Variants in FAM217B observed in about 807,000 individuals in gnomAD.
FAM217B encodes protein FAM217B.
For missense variants in FAM217B, 463 were observed against 456.9 expected, an observed-to-expected ratio of 1.01 and a Z score of -0.12; for synonymous variants, 163 against 173.0, an observed-to-expected ratio of 0.94 and a Z score of 0.45.
chr20:59,939,115 G>A (rs17854471), upstream of FAM217B: 8 of 1,603,846 alleles, frequency 5.0e-6, no homozygotes, highest in Admixed American at 1.7e-5. Flanking sequence ...CTGTAGTCTC[G>A]GTGGTCGTTG....
rs1435158845 is a variant in FAM217B at position 59,944,595 on chromosome 20, C to A, written c.652C>A (p.Leu218Met). The change falls in exon 4 of 4, where the codon CTG (leucine) becomes ATG (methionine). Residue 218 changes from leucine (L) to methionine (M), a missense_variant. Transcript: ENST00000360816. Reference protein sequence around the residue: ...PPTAPGTSGALKSPGRSKLIA... With the variant: ...PPTAPGTSGAMKSPGRSKLIA... The stretch of plus-strand genomic sequence containing the variant: ...CACTGCCCCTGGGACCTCAGGGGCA[C>A]TGAAAAGCCCTGGGAGAAGTAAGCT... The A allele has an allele frequency of 6.2e-7, 1 of 1,613,884 alleles. No homozygotes were observed. The highest frequency in any genetic ancestry group is 8.5e-7 in the Non-Finnish European group (1 of 1,180,010).
At chr20:59,934,438 T>C (rs1028641675) in intron 1 of FAM217B, among the ~76,000 whole-genome samples, 3 of 152,054 alleles carry the variant, frequency 2.0e-5, no homozygotes, top group African/African-American at 7.3e-5. Flanking sequence ...CGCTCAGTCT[T>C]CTGCGTGTTT....
chr20:59,940,769 G>A (rs1569006749), intron 1 of FAM217B, among the ~76,000 whole-genome samples: 3 of 152,176 alleles, frequency 2.0e-5, no homozygotes, highest in African/African-American at 7.2e-5. Context: ...TGGACCCTTG[G>A]TCAGACCGAG....
upstream of FAM217B, chr20:59,937,665 TG>T (rs2060870127): frequency 2.1e-5 from 3 of 146,024 alleles, no homozygotes; most frequent in African/African-American, 8.3e-5. Flanking sequence ...CCTTCCTGGC[TG>T]TTTTTTTTTT....
rs756567987 is a variant in FAM217B, at chr20:59,944,230, A to G, written c.287A>G (p.Asp96Gly). 6 of 1,614,064 alleles carry G rather than the reference A, an allele frequency of 3.7e-6. No homozygotes were observed. Among genetic ancestry groups the G allele is most frequent in the Non-Finnish European group, 4.2e-6 (5 of 1,180,052 alleles). The change falls in exon 4 of 4, where the codon GAT (aspartate) becomes GGT (glycine). Residue 96 changes from aspartate (D) to glycine (G), a missense_variant. By Grantham distance (94) the Asp-to-Gly change is moderately conservative (BLOSUM62 -1). Coordinates refer to ENST00000360816, the MANE Select transcript of FAM217B (RefSeq NM_022106.3). ...AATGCTGATGAGGACAGTGCAAGTG[A>G]TCTCTCTGATTCGGAAAGAATTCCC... ...KENADEDSASDLSDSERIPIP... is the reference protein window; with the variant it reads ...KENADEDSASGLSDSERIPIP...
chr20:59,946,349 G>A lies in FAM217B; in HGVS notation c.*1254G>A, dbSNP rs1183203412. On this transcript the variant is annotated 3_prime_UTR_variant, in exon 4 of 4. Coordinates refer to ENST00000360816, the MANE Select transcript of FAM217B (RefSeq NM_022106.3). ...GATTTTATCCCTTTAAACAATTACTGTATTTGTTTTTGACGTAGAGGTTTC... is the reference window on the plus strand; with the variant it reads ...GATTTTATCCCTTTAAACAATTACTATATTTGTTTTTGACGTAGAGGTTTC... The A allele has an allele frequency of 2.4e-5, 4 of 166,868 alleles. No homozygotes were observed. The highest frequency in any genetic ancestry group is 4.4e-5 in the Non-Finnish European group (3 of 68,090). The allele number at this position is 166,868 out of a possible 1,614,324, so 10.3% of individuals were successfully genotyped here. A position where few individuals can be genotyped will look rare whatever the true frequency, so the allele number is the denominator to read the frequency against.
rs2060947515 is a variant in FAM217B, at chr20:59,948,048, AGAAAAAG to A, written c.*2954_*2960del. On this transcript the variant is annotated 3_prime_UTR_variant, in exon 4 of 4. Transcript: ENST00000360816. ...AATCCAAGTTTCTTTAAAAAAAAAA[AGAAAAAG>A]AAAAAGAAAAAGAAAAATATTTTAG... 1 of 152,458 alleles carries A rather than the reference AGAAAAAG, an allele frequency of 6.6e-6. No individual in the cohort carries two copies. The highest frequency in any genetic ancestry group is 2.5e-5 in the African/African-American group (1 of 39,328). The allele number at this position is 152,458 out of a possible 1,614,324, so 9.4% of individuals were successfully genotyped here.
chr20:59,935,698 A>G (rs2060858708), upstream of FAM217B, among the ~76,000 whole-genome samples: 1 of 152,220 alleles, frequency 6.6e-6, no homozygotes, highest in South Asian at 2.1e-4. Flanking sequence ...GCTTGAGCCC[A>G]GGAGCTGGAG....
At position 59,945,035 on chromosome 20, in the gene FAM217B, A is replaced by C; in HGVS notation, c.1092A>C (p.Val364=). The C allele has an allele frequency of 1.9e-6, 3 of 1,606,820 alleles. No individual in the cohort carries two copies. The highest frequency in any genetic ancestry group is 2.5e-6 in the Non-Finnish European group (3 of 1,178,090). Residue 364 remains valine, a synonymous_variant, in exon 4 of 4, where the codon GTA becomes GTC. Transcript: ENST00000360816. The stretch of plus-strand genomic sequence containing the variant: ...CAGAGAGCTGTGGTCATGCCACTGT[A>C]TCGAGTGAGAAAAAACTGAAAACAA... The part of the protein sequence containing the change: ...GKAESCGHAT[V]SSEKKLKTNG...
At chr20:59,936,533 T>TAA (rs1231272613), upstream of FAM217B, 2 of 152,230 alleles carry the variant, frequency 1.3e-5, no homozygotes, top group Non-Finnish European at 2.9e-5. Context: ...TTAACTGTTG[T>TAA]AAGAGAAGTA....
Position 59,944,405 on chromosome 20 carries a change from C to T in FAM217B, c.462C>T (p.Asp154=). ...TTCCATCCCCTTTCAGCTCCTGGGA[C>T]CTACGAGATATGGCCCTGCTTCTGA... The part of the protein sequence containing the change: ...NFLPSPFSSW[D]LRDMALLLNA... Residue 154 remains aspartate, a synonymous_variant, in exon 4 of 4, where the codon GAC becomes GAT. Transcript: ENST00000360816. 1.2e-6 allele frequency: 2 copies of T among 1,614,102 alleles called. No homozygotes were observed. Among genetic ancestry groups the T allele is most frequent in the Non-Finnish European group, 1.7e-6 (2 of 1,180,022 alleles).
chr20:59,939,248 G>A (rs772347973), upstream of FAM217B: 5 of 1,611,602 alleles, frequency 3.1e-6, no homozygotes, highest in Non-Finnish European at 3.4e-6. Context: ...TGCCCTCGGG[G>A]CCTGCGGGCC....
chr20:59,936,091 C>T (rs991373786), upstream of FAM217B, among the ~76,000 whole-genome samples: 4 of 152,190 alleles, frequency 2.6e-5, no homozygotes, highest in African/African-American at 9.7e-5. Flanking sequence ...ATAGTACAGT[C>T]TATTGCTTCA....
Position 59,944,139 on chromosome 20 carries a change from A to T in FAM217B, c.196A>T (p.Arg66Trp). The stretch of plus-strand genomic sequence containing the variant: ...ACGCAAAAGGAATCCACTCGGTTCC[A>T]GGTGTCAGGGGGCCTCAGGGAATAA... Reference protein sequence around the residue: ...ARRKRNPLGSRCQGASGNKLF... With the variant: ...ARRKRNPLGSWCQGASGNKLF... The change falls in exon 4 of 4, where the codon AGG becomes TGG. Residue 66 changes from arginine (R) to tryptophan (W), a missense_variant. Coordinates refer to ENST00000360816, the MANE Select transcript of FAM217B (RefSeq NM_022106.3). 3.1e-6 allele frequency: 5 copies of T among 1,614,136 alleles called. No individual in the cohort carries two copies. The highest frequency in any genetic ancestry group is 2.5e-6 in the Non-Finnish European group (3 of 1,180,012).
At position 59,944,538 on chromosome 20, in the gene FAM217B, G is replaced by C. The variant is rs748168287; in HGVS notation, c.595G>C (p.Glu199Gln). ...GCTGCAAGTCCAGACTGTACAGTGT[G>C]AAAAAGCAAAGGGGGGCAAAGCAAG... ...EWLQVQTVQC[E>Q]KAKGGKARPP... The change falls in exon 4 of 4, where the codon GAA becomes CAA. Residue 199 changes from glutamate to glutamine, a missense_variant. Transcript: ENST00000360816. 1 of 1,614,012 alleles carries C rather than the reference G, an allele frequency of 6.2e-7. No homozygotes were observed. The highest frequency in any genetic ancestry group is 2.2e-5 in the East Asian group (1 of 44,858).
intron 1 of FAM217B, among the ~76,000 whole-genome samples, chr20:59,934,281 G>T (rs1223007612): frequency 6.6e-6 from 1 of 152,346 alleles, no homozygotes; most frequent in East Asian, 1.9e-4. Context: ...GTATTCCTAG[G>T]CTCTTTCAGA....
In FAM217B at chr20:59,944,767, G is replaced by T; in HGVS notation, c.824G>T (p.Gly275Val). 1.9e-6 allele frequency: 3 copies of T among 1,614,196 alleles called. No individual in the cohort carries two copies. The highest frequency in any genetic ancestry group is 4.5e-5 in the East Asian group (2 of 44,880). Reference sequence around the variant, plus strand: ...TCCCCTAGACCCATTGATGTGCTTGGTGGTACCAGGTTTTGTTCTCAGAGG... The same window carrying T: ...TCCCCTAGACCCATTGATGTGCTTGTTGGTACCAGGTTTTGTTCTCAGAGG... ...ETSPRPIDVL[G>V]GTRFCSQRQT... is the part of the protein sequence containing the mutation. Residue 275 changes from glycine to valine, a missense_variant, in exon 4 of 4, where the codon GGT (glycine) becomes GTT (valine). Transcript: ENST00000360816.
intron 1 of FAM217B, 88 bp from the exon 2 acceptor site, chr20:59,942,110 T>C (rs2060908862): frequency 6.6e-6 from 1 of 152,574 alleles, no homozygotes; most frequent in Non-Finnish European, 1.5e-5. Context: ...ATTATACAAG[T>C]ATTAAAAAAC....
Position 59,934,409 on chromosome 20 carries a change from A to G in FAM217B, c.-326+556A>G, listed in dbSNP as rs1222686444. ...AGGGTCTCCTTGCCCCTTGGCTCGC[A>G]GAGGGCGTCGGTGTTCGGCGCTCAG... On this transcript the variant is annotated intron_variant, in intron 1 of 4. Transcript: ENST00000358293. Among the ~76,000 whole-genome samples the G allele has an allele frequency of 2.0e-5, 3 of 152,358 alleles. No homozygotes were observed. The East Asian group carries it at 5.8e-4, about 29-fold the overall frequency.
Sources: gnomAD v4.1 joint callset for allele counts (sites outside exome capture counted in the v4.1 genomes callset) on GRCh38, gnomAD v4.1.1 for gene constraint, MANE v1.5 for transcripts, NCBI Gene and HGNC (gene_info 2026-07-23, HGNC 2026-07-21) for gene names.